Variants in FHIP1A observed in about 807,000 individuals in gnomAD.
FHIP1A encodes FHF complex subunit HOOK-interacting protein 1A.
A neutral mutation model predicts 88.6 loss-of-function variants in FHIP1A; 61 were observed. That is an observed-to-expected ratio of 0.69 (90% CI 0.56 to 0.85). The LOEUF (loss-of-function observed/expected upper bound fraction) is 0.85, where lower values mean the gene tolerates loss of function less well. Ranked by LOEUF, FHIP1A falls within the 40% of genes least tolerant of loss-of-function variation. The probability of loss-of-function intolerance (pLI) is 0.00; values close to 1 mark genes in which losing one functional copy is unlikely to be tolerated. For synonymous variants in FHIP1A, 478 were observed against 496.0 expected (o/e 0.96, Z 0.48); for missense variants, 1,154 against 1,273.5 (o/e 0.91, Z 1.43).
At chr4:151,425,881 C>T (rs976021181) in intron 1 of FHIP1A, among the ~76,000 whole-genome samples, 12 of 152,198 alleles carry the variant, frequency 7.9e-5, no homozygotes, top group African/African-American at 2.7e-4. Flanking sequence ...GTGCTCGCTT[C>T]AGCAACACAT....
intron 5 of FHIP1A, among the ~76,000 whole-genome samples, chr4:151,581,566 A>G (rs567989877): frequency 3.1e-4 from 47 of 152,314 alleles, no homozygotes; most frequent in South Asian, 1.7e-3. Context: ...AGGGAAAACA[A>G]CATCTCCAGC....
chr4:151,537,790 A>C (rs1408495883), intron 3 of FHIP1A, among the ~76,000 whole-genome samples: 4 of 152,176 alleles, frequency 2.6e-5, no homozygotes, highest in Admixed American at 2.6e-4. Context: ...GTTAACAACT[A>C]GACTATTGTT....
chr4:151,531,186 G>A (rs1483147899), intron 3 of FHIP1A, among the ~76,000 whole-genome samples: 1 of 151,912 alleles, frequency 6.6e-6, no homozygotes, highest in African/African-American at 2.4e-5. Context: ...CTTTCAAATA[G>A]GGTGAAGTGT....
chr4:151,553,360 TATTG>T (rs1168721583), intron 3 of FHIP1A, among the ~76,000 whole-genome samples: 1 of 152,218 alleles, frequency 6.6e-6, no homozygotes, highest in African/African-American at 2.4e-5. Flanking sequence ...TTCCTTGTAT[TATTG>T]ATCAGTATCT....
intron 1 of FHIP1A, among the ~76,000 whole-genome samples, chr4:151,432,497 T>C (rs968283197): frequency 6.6e-6 from 1 of 152,164 alleles, no homozygotes; most frequent in African/African-American, 2.4e-5. Context: ...ACAATAAATA[T>C]GTAAGCAGGA....
At chr4:151,468,253 C>T (rs1729393530) in intron 2 of FHIP1A, among the ~76,000 whole-genome samples, 1 of 144,466 alleles carries the variant, frequency 6.9e-6, no homozygotes, top group East Asian at 2.0e-4. Context: ...CCACTGCACT[C>T]CAGCCTAGGT....
At chr4:151,628,909 T>A (rs1736051989) in intron 7 of FHIP1A, among the ~76,000 whole-genome samples, 1 of 152,164 alleles carries the variant, frequency 6.6e-6, no homozygotes, top group Admixed American at 6.5e-5. Flanking sequence ...AATAAAAATG[T>A]TTAAGGTTAG....
chr4:151,661,938 A>G (rs989091142), intron 13 of FHIP1A, among the ~76,000 whole-genome samples: 4 of 152,118 alleles, frequency 2.6e-5, no homozygotes, highest in Non-Finnish European at 5.9e-5. Context: ...CTCTCCTTTT[A>G]TGTAAAACGT....
chr4:151,646,376 T>C (rs1440772425), intron 9 of FHIP1A, among the ~76,000 whole-genome samples, 182 bp from the exon 10 acceptor site: 5 of 152,214 alleles, frequency 3.3e-5, no homozygotes, highest in Admixed American at 3.3e-4. Flanking sequence ...GCAAAGAGGT[T>C]GTTCTTTCAG....
intron 1 of FHIP1A, among the ~76,000 whole-genome samples, chr4:151,437,751 G>T (rs956351802): frequency 2.0e-5 from 3 of 152,122 alleles, no homozygotes; most frequent in Non-Finnish European, 4.4e-5. Flanking sequence ...GTGACACATA[G>T]TCAAACCTTC....
chr4:151,505,150 A>G (rs1309180876), intron 3 of FHIP1A, among the ~76,000 whole-genome samples: 4 of 152,114 alleles, frequency 2.6e-5, no homozygotes, highest in Admixed American at 6.5e-5. Flanking sequence ...TACCCACTAG[A>G]TTGTATCACA....
chr4:151,606,650 T>G (rs1735085062), intron 7 of FHIP1A, among the ~76,000 whole-genome samples: 2 of 152,224 alleles, frequency 1.3e-5, no homozygotes, highest in Admixed American at 1.3e-4. Context: ...CACAAAACAT[T>G]GTCAACCTTA....
chr4:151,498,302 AC>A (rs1348341180), intron 3 of FHIP1A, among the ~76,000 whole-genome samples: 4 of 152,236 alleles, frequency 2.6e-5, no homozygotes, highest in Non-Finnish European at 4.4e-5. Flanking sequence ...GACTACCTCT[AC>A]AAATGACTGC....
chr4:151,652,890 G>A (rs1037784777), intron 11 of FHIP1A, among the ~76,000 whole-genome samples: 1 of 152,248 alleles, frequency 6.6e-6, no homozygotes, highest in African/African-American at 2.4e-5. Flanking sequence ...GCCAAGCCAA[G>A]GAATGGAAAC....
intron 1 of FHIP1A, among the ~76,000 whole-genome samples, chr4:151,446,437 G>C (rs1362945211): frequency 6.7e-6 from 1 of 149,344 alleles, no homozygotes; most frequent in Non-Finnish European, 1.5e-5. Flanking sequence ...TAATGTCATG[G>C]GATTTCTTTC....
chr4:151,523,318 A>C (rs1731513000), intron 3 of FHIP1A, among the ~76,000 whole-genome samples: 1 of 152,202 alleles, frequency 6.6e-6, no homozygotes, highest in South Asian at 2.1e-4. Context: ...ATAGAGAATG[A>C]GTCAAGTGAC....
At chr4:151,587,325 G>A (rs532907719) in intron 6 of FHIP1A, among the ~76,000 whole-genome samples, 2 of 152,074 alleles carry the variant, frequency 1.3e-5, no homozygotes, top group African/African-American at 4.8e-5. Flanking sequence ...CTGAATTCTT[G>A]TGTATTTGGC....
chr4:151,521,487 C>T (rs1009974892), intron 3 of FHIP1A, among the ~76,000 whole-genome samples: 1 of 152,152 alleles, frequency 6.6e-6, no homozygotes, highest in Non-Finnish European at 1.5e-5. Context: ...ATTTAGTCGT[C>T]TCTGCGGTCT....
intron 4 of FHIP1A, among the ~76,000 whole-genome samples, chr4:151,566,724 AAT>A (rs1170052412): frequency 6.6e-6 from 1 of 152,092 alleles, no homozygotes; most frequent in East Asian, 1.9e-4. Context: ...CTTAAGCTCT[AAT>A]AATACTAAAA....
Sources: allele counts gnomAD v4.1 joint callset (sites outside exome capture counted in the v4.1 genomes callset), GRCh38; gene constraint gnomAD v4.1.1; transcripts MANE v1.5; gene names NCBI Gene and HGNC (gene_info 2026-07-23, HGNC 2026-07-21).